Variants in IL17RC observed in about 807,000 individuals in gnomAD.
IL17RC encodes interleukin-17 receptor C.
Under a neutral mutation model 86.7 loss-of-function variants are expected in IL17RC, and 53 were observed. The ratio of observed to expected loss-of-function variants is 0.61; its 90% CI spans 0.49 to 0.77. The LOEUF is 0.77. IL17RC is among the 30% of genes least tolerant of loss of function. The pLI is 0.00. For synonymous variants in IL17RC, 439 were observed against 413.1 expected, an observed-to-expected ratio of 1.06 and a Z score of -0.76; for missense variants, 957 against 940.0, an observed-to-expected ratio of 1.02 and a Z score of -0.24.
rs778726872 is a variant in IL17RC at position 9,918,533 on chromosome 3, A to G, written c.389A>G (p.Gln130Arg). The change falls in exon 5 of 19, where the codon CAG becomes CGG. Residue 130 changes from glutamine to arginine, a missense_variant. Physicochemically the swap from Gln to Arg is conservative, Grantham distance 43. Transcript: ENST00000403601. ...SLQAQVVLSF[Q>R]AYPTARCVLL... ...CAGGCCCAAGTCGTGCTCTCCTTCC[A>G]GGCCTACCCTACTGCCCGCTGCGTC... The G allele has an allele frequency of 2.2e-5, 35 of 1,614,134 alleles. No individual in the cohort carries two copies. Among genetic ancestry groups the G allele is most frequent in the Non-Finnish European group, 3.0e-5 (35 of 1,180,000 alleles).
intron 9 of IL17RC, among the ~76,000 whole-genome samples, chr3:9,925,707 C>T (rs1412189766): frequency 1.3e-5 from 2 of 152,202 alleles, no homozygotes; most frequent in East Asian, 3.9e-4. Flanking sequence ...CAGCTAGCTC[C>T]CTGCCTTTTC....
Position 9,918,586 on chromosome 3 carries a change from C to G in IL17RC, c.442C>G (p.Leu148Val), listed in dbSNP as rs918655502. Reference protein sequence around the residue: ...VLLEVQVPAALVQFGQSVGSV... With the variant: ...VLLEVQVPAAVVQFGQSVGSV... ...GCTGGAGGTGCAAGTGCCTGCTGCCCTTGTGCAGTTTGGTCAGTCTGTGGT... is the reference window on the plus strand; with the variant it reads ...GCTGGAGGTGCAAGTGCCTGCTGCCGTTGTGCAGTTTGGTCAGTCTGTGGT... Residue 148 changes from leucine (L) to valine (V), a missense_variant, in exon 5 of 19, where the codon CTT (leucine) becomes GTT (valine). By Grantham distance (32) the Leu-to-Val change is conservative. Transcript: ENST00000403601. 1.5e-5 allele frequency: 25 copies of G among 1,613,544 alleles called. No homozygotes were observed. The highest frequency in any genetic ancestry group is 2.1e-5 in the Non-Finnish European group (25 of 1,179,596).
intron 9 of IL17RC, among the ~76,000 whole-genome samples, chr3:9,926,065 A>C (rs1490495363): frequency 1.3e-3 from 128 of 95,418 alleles, no homozygotes; most frequent in Admixed American, 1.6e-3. Flanking sequence ...ATGGAGTTTC[A>C]CTCTTTTGCC....
chr3:9,922,343 A>T (rs1455392552), intron 7 of IL17RC, among the ~76,000 whole-genome samples: 3 of 152,224 alleles, frequency 2.0e-5, no homozygotes, highest in Non-Finnish European at 4.4e-5. Flanking sequence ...ATGTTTTCTG[A>T]ACTACTAAAT....
chr3:9,926,871 T>C (rs7627405), intron 9 of IL17RC, among the ~76,000 whole-genome samples: 37,287 of 151,994 alleles, frequency 0.25, 5,696 homozygotes, highest in African/African-American at 0.43. Context: ...CCGCCCACCT[T>C]GGCCTCCCAA....
Position 9,928,370 on chromosome 3 carries a change from C to G in IL17RC, c.943C>G (p.Leu315Val). 3 of 1,605,554 alleles carry G rather than the reference C, an allele frequency of 1.9e-6. No individual in the cohort carries two copies. The highest frequency in any genetic ancestry group is 2.6e-6 in the Non-Finnish European group (3 of 1,175,030). ...GCAACTGCTGACCCTGCAGAGCTGG[C>G]TGCTGGACGCACCGTGCTCGCTGCC... ...RLQLLTLQSW[L>V]LDAPCSLPAE... is the part of the protein sequence containing the mutation. The change falls in exon 11 of 19, where the codon CTG (leucine) becomes GTG (valine). Residue 315 changes from leucine to valine, a missense_variant. Physicochemically the swap from Leu to Val is conservative, Grantham distance 32. Transcript: ENST00000403601.
intron 1 of IL17RC, 85 bp from the exon 2 acceptor site, chr3:9,917,628 A>T (rs772360458): frequency 4.3e-6 from 7 of 1,614,010 alleles, no homozygotes; most frequent in Non-Finnish European, 5.9e-6. Context: ...GGAGCCCCAG[A>T]AAAAGGTAGG....
chr3:9,931,466 CACACATATATAT>C (rs1327502490), intron 16 of IL17RC, among the ~76,000 whole-genome samples: 5 of 15,638 alleles, frequency 3.2e-4, no homozygotes, highest in African/African-American at 4.6e-4. Flanking sequence ...CACACACACA[CACACATATATAT>C]ATATATATAT....
chr3:9,929,641 G>A lies in IL17RC; in HGVS notation c.1111-211G>A, dbSNP rs146653954. Reference sequence around the variant, plus strand: ...AGACATAAAAACAGCTTTAGGGTCAGAAGACGCTTTATACAGATGATCTCA... The same window carrying A: ...AGACATAAAAACAGCTTTAGGGTCAAAAGACGCTTTATACAGATGATCTCA... On this transcript the variant is annotated intron_variant, in intron 12 of 18. Transcript: ENST00000403601. 7.3e-4 allele frequency: 460 copies of A among 632,076 alleles called. 8 individuals carry two copies. The East Asian group carries it at 9.4e-3, about 13-fold the overall frequency. 39.2% of individuals were successfully genotyped at this position (632,076 alleles called of 1,614,324 possible).
rs897318683 is a variant in IL17RC, at chr3:9,917,993, G to A, written c.198G>A (p.Leu66=). ...APGPVLAPTH[L]QTELVLRCQK... ...GCCCCGTGCTGGCGCCTACGCACCTGCAGACAGAGCTGGTGCTGAGGTGCC... is the reference window on the plus strand; with the variant it reads ...GCCCCGTGCTGGCGCCTACGCACCTACAGACAGAGCTGGTGCTGAGGTGCC... The change falls in exon 3 of 19, where the codon CTG becomes CTA. Residue 66 remains leucine, a synonymous_variant. Transcript: ENST00000403601. 1.1e-5 allele frequency: 18 copies of A among 1,613,742 alleles called. No homozygotes were observed. Among genetic ancestry groups the A allele is most frequent in the Non-Finnish European group, 1.4e-5 (16 of 1,179,954 alleles).
At chr3:9,917,816 C>A in intron 2 of IL17RC, 82 bp downstream of exon 2, 1 of 1,606,786 alleles carries the variant, frequency 6.2e-7, no homozygotes, top group Non-Finnish European at 8.5e-7. Flanking sequence ...CCTCCATGCC[C>A]ACCTCAGCCT....
chr3:9,930,379 C>A lies in IL17RC; in HGVS notation c.1279-21C>A. On this transcript the variant is annotated intron_variant, in intron 14 of 18. Coordinates refer to ENST00000403601, the MANE Select transcript of IL17RC (RefSeq NM_153460.4). The surrounding 1 kb of genome is among the most constrained non-coding windows in gnomAD (Gnocchi z 5.8). ...GGGTGCTACCTCCAGGTAACAGTGCCCCCATCCTTTGGCTTGGCAGAGGGC... is the reference window on the plus strand; with the variant it reads ...GGGTGCTACCTCCAGGTAACAGTGCACCCATCCTTTGGCTTGGCAGAGGGC... 6.2e-7 allele frequency: 1 copy of A among 1,613,796 alleles called. No homozygotes were observed. The highest frequency in any genetic ancestry group is 1.1e-5 in the South Asian group (1 of 91,064).
chr3:9,925,262 G>A (rs2083955275), intron 9 of IL17RC, among the ~76,000 whole-genome samples: 1 of 151,616 alleles, frequency 6.6e-6, no homozygotes, highest in African/African-American at 2.4e-5. Context: ...GACTACAGGT[G>A]CCTGCAACCA....
chr3:9,917,981 G>C lies in IL17RC; in HGVS notation c.186G>C (p.Ala62=). Residue 62 remains alanine (A), a synonymous_variant, in exon 3 of 19, where the codon GCG becomes GCC. Transcript: ENST00000403601. ...DIVPAPGPVL[A]PTHLQTELVL... ...TGCCTGCTCCGGGCCCCGTGCTGGC[G>C]CCTACGCACCTGCAGACAGAGCTGG... 1.9e-6 allele frequency: 3 copies of C among 1,613,794 alleles called. No homozygotes were observed. The highest frequency in any genetic ancestry group is 2.5e-6 in the Non-Finnish European group (3 of 1,179,992).
At chr3:9,928,510 C>T (rs1442767646) in intron 11 of IL17RC, 24 bp downstream of exon 11, 1 of 1,613,574 alleles carries the variant, frequency 6.2e-7, no homozygotes, top group Non-Finnish European at 8.5e-7. Flanking sequence ...AGGGCACCTC[C>T]CGTGGTGAGG....
intron 6 of IL17RC, 84 bp downstream of exon 6, chr3:9,920,686 A>T: frequency 1.0e-6 from 1 of 957,506 alleles, no homozygotes; most frequent in Non-Finnish European, 1.6e-6. Context: ...TTCTAGCTCC[A>T]TCCACTCTCC....
intron 9 of IL17RC, 22 bp from the exon 10 acceptor site, chr3:9,928,144 C>A: frequency 6.2e-7 from 1 of 1,613,402 alleles, no homozygotes; most frequent in South Asian, 1.1e-5. Flanking sequence ...GGGACCTGAG[C>A]AGACCCCCAT....
rs952357359 is a variant in IL17RC, at chr3:9,928,607, G to A, written c.1087G>A (p.Gly363Ser). ...DKVLEFPLLKGHPNLCVQVNS... is the reference protein window; with the variant it reads ...DKVLEFPLLKSHPNLCVQVNS... ...GGTTCTCGAGTTCCCATTGCTGAAAGGCCACCCTAACCTCTGTGTTCAGGT... is the reference window on the plus strand; with the variant it reads ...GGTTCTCGAGTTCCCATTGCTGAAAAGCCACCCTAACCTCTGTGTTCAGGT... The change falls in exon 12 of 19, where the codon GGC becomes AGC. Residue 363 changes from glycine to serine, a missense_variant. Transcript: ENST00000403601. 5 of 1,613,786 alleles carry A rather than the reference G, an allele frequency of 3.1e-6. No homozygotes were observed. Among genetic ancestry groups the A allele is most frequent in the Non-Finnish European group, 8.5e-7 (1 of 1,180,038 alleles).
chr3:9,928,860 G>T (rs1339854159), intron 12 of IL17RC, among the ~76,000 whole-genome samples: 1 of 152,204 alleles, frequency 6.6e-6, no homozygotes, highest in Non-Finnish European at 1.5e-5. Context: ...ACTACCTCAT[G>T]GAGTGGTTGT....
Sources: allele counts gnomAD v4.1 joint callset (sites outside exome capture counted in the v4.1 genomes callset), GRCh38; gene constraint gnomAD v4.1.1; non-coding constraint Gnocchi (gnomAD v3.1); transcripts MANE v1.5; gene names NCBI Gene and HGNC (gene_info 2026-07-23, HGNC 2026-07-21).